FOXP2: variants seen among roughly 807,000 people sequenced by gnomAD.
FOXP2 encodes the protein forkhead box protein P2.
FOXP2 carries 12 observed loss-of-function variants against 115.8 expected under a neutral mutation model. That is an observed-to-expected ratio of 0.10 (90% CI 0.07 to 0.17). The LOEUF (loss-of-function observed/expected upper bound fraction) is 0.17. FOXP2 is among the 10% of genes least tolerant of loss of function. FOXP2 has a pLI of 1.00. For missense variants in FOXP2, 629 were observed against 843.5 expected (o/e 0.75, Z 3.15); for synonymous variants, 328 against 297.7 (o/e 1.10, Z -1.05).
intron 1 of FOXP2, among the ~76,000 whole-genome samples, chr7:114,123,244 T>C (rs896398939): frequency 4.0e-5 from 6 of 151,384 alleles, no homozygotes; most frequent in African/African-American, 1.5e-4. Flanking sequence ...TCCTAGCTTC[T>C]TGGGAGCCTG....
chr7:114,451,364 A>G (rs542753908), intron 2 of FOXP2, among the ~76,000 whole-genome samples: 1 of 152,168 alleles, frequency 6.6e-6, no homozygotes, highest in Admixed American at 6.5e-5. Context: ...TCAGCTGTTG[A>G]CCTTGGGCTA....
chr7:114,379,436 A>G (rs181496072), intron 2 of FOXP2, among the ~76,000 whole-genome samples: 30 of 151,930 alleles, frequency 2.0e-4, no homozygotes, highest in Non-Finnish European at 3.5e-4. Flanking sequence ...CAACAGGAAA[A>G]CCCAAGTGTT....
At chr7:114,457,836 C>T (rs997626920) in intron 2 of FOXP2, among the ~76,000 whole-genome samples, 11 of 150,136 alleles carry the variant, frequency 7.3e-5, no homozygotes, top group Non-Finnish European at 1.3e-4. Context: ...AGGCAGAGCT[C>T]GCAGTGAGCC....
At chr7:114,115,452 A>C (rs1265219301) in intron 1 of FOXP2, among the ~76,000 whole-genome samples, 1 of 152,098 alleles carries the variant, frequency 6.6e-6, no homozygotes, top group Non-Finnish European at 1.5e-5. Flanking sequence ...TGTACAGTAC[A>C]TGGCTTCTCC....
At chr7:114,420,377 T>C (rs1343816128) in intron 1 of FOXP2, among the ~76,000 whole-genome samples, 2 of 151,972 alleles carry the variant, frequency 1.3e-5, no homozygotes, top group African/African-American at 4.8e-5. Flanking sequence ...TTCTATGTTC[T>C]TGGAGAGCTA....
At chr7:114,613,568 G>A (rs924034841) in intron 3 of FOXP2, among the ~76,000 whole-genome samples, 19 of 151,624 alleles carry the variant, frequency 1.3e-4, no homozygotes, top group African/African-American at 2.2e-4. Flanking sequence ...CCAGCTACTC[G>A]GGAGGCTGAG....
chr7:114,155,919 T>TC (rs1167462973), intron 1 of FOXP2, among the ~76,000 whole-genome samples: 1 of 152,168 alleles, frequency 6.6e-6, no homozygotes, highest in Non-Finnish European at 1.5e-5. Flanking sequence ...GCATCCCTTC[T>TC]CCGCTGACTC....
At chr7:114,622,733 T>C (rs1327718200) in intron 3 of FOXP2, among the ~76,000 whole-genome samples, 1 of 152,022 alleles carries the variant, frequency 6.6e-6, no homozygotes, top group East Asian at 1.9e-4. Flanking sequence ...TTATTTGGGC[T>C]AATTTTGTGA....
At chr7:114,213,056 A>T (rs956282433) in intron 1 of FOXP2, among the ~76,000 whole-genome samples, 5 of 152,184 alleles carry the variant, frequency 3.3e-5, no homozygotes, top group Non-Finnish European at 7.3e-5. Flanking sequence ...ACTAAACTGG[A>T]TAGAATTTTT....
chr7:114,265,908 C>T lies in FOXP2; in HGVS notation c.-101-22111C>T, dbSNP rs760994022. Among the ~76,000 whole-genome samples, 5 of 152,172 alleles carry T rather than the reference C, an allele frequency of 3.3e-5. No homozygotes were observed. In the South Asian group the frequency reaches 6.2e-4, roughly 19 times the overall value. On this transcript the variant is annotated intron_variant, in intron 1 of 17. Coordinates refer to the FOXP2 transcript ENST00000634411. ...GGCTGGAGCTTGAGTGGCCTGGTTT[C>T]GAGAAGCAGTGTCCTGAGGTTGTGC...
chr7:114,526,631 T>C (rs929319489), intron 2 of FOXP2, among the ~76,000 whole-genome samples: 2 of 152,172 alleles, frequency 1.3e-5, no homozygotes, highest in African/African-American at 4.8e-5. Context: ...GCAAACTACT[T>C]CTACTTCAGT....
At chr7:114,352,069 A>C (rs1791504760) in intron 2 of FOXP2, among the ~76,000 whole-genome samples, 1 of 151,812 alleles carries the variant, frequency 6.6e-6, no homozygotes, top group African/African-American at 2.4e-5. Context: ...GGAGTTCAAG[A>C]CCAGCTGGGG....
intron 16 of FOXP2, among the ~76,000 whole-genome samples, chr7:114,675,090 A>G (rs886623502): frequency 6.6e-6 from 1 of 152,134 alleles, no homozygotes; most frequent in African/African-American, 2.4e-5. Flanking sequence ...ACATAGGCTT[A>G]AGAAATGAAT....
rs370558478 is a variant in FOXP2, at chr7:114,641,934, T to C, written c.776-476T>C. On this transcript the variant is annotated intron_variant, in intron 6 of 16. Transcript: ENST00000350908. The stretch of plus-strand genomic sequence containing the variant: ...AATTCTCCCGCCTCAACCTCCTGAG[T>C]AGCTGGGATTACAGGTATGTGACAT... Among the ~76,000 whole-genome samples, 27 of 152,188 alleles carry C rather than the reference T, an allele frequency of 1.8e-4. No individual in the cohort carries two copies. In the East Asian group the frequency reaches 5.0e-3, roughly 28 times the overall value.
chr7:114,418,628 A>G (rs1322932366), intron 1 of FOXP2, among the ~76,000 whole-genome samples: 1 of 151,824 alleles, frequency 6.6e-6, no homozygotes, highest in Non-Finnish European at 1.5e-5. Context: ...AAACAAAGCT[A>G]TTGTAGTGTT....
intron 2 of FOXP2, among the ~76,000 whole-genome samples, chr7:114,379,365 G>T (rs1792222914): frequency 6.6e-6 from 1 of 152,136 alleles, no homozygotes; most frequent in Non-Finnish European, 1.5e-5. Flanking sequence ...TCCCAGCTAG[G>T]CTTAGGGATT....
intron 2 of FOXP2, chr7:114,297,273 T>A: frequency 7.7e-6 from 4 of 521,506 alleles, no homozygotes; most frequent in South Asian, 7.5e-5. Context: ...GCAGCTCCTA[T>A]GGGGCGAACC....
chr7:114,129,175 A>G (rs1366391679), intron 1 of FOXP2, among the ~76,000 whole-genome samples: 1 of 152,204 alleles, frequency 6.6e-6, no homozygotes, highest in Non-Finnish European at 1.5e-5. Flanking sequence ...AACACATCCC[A>G]GCATTTTTAA....
chr7:114,387,328 C>A (rs1792478194), intron 2 of FOXP2, among the ~76,000 whole-genome samples: 1 of 152,136 alleles, frequency 6.6e-6, no homozygotes, highest in African/African-American at 2.4e-5. Flanking sequence ...ATATTCTCTT[C>A]TCTTGAGGAA....
Sources: allele counts gnomAD v4.1 joint callset (sites outside exome capture counted in the v4.1 genomes callset), GRCh38; gene constraint gnomAD v4.1.1; transcripts MANE v1.5; gene names NCBI Gene and HGNC (gene_info 2026-07-23, HGNC 2026-07-21).